C15orf40: variants seen among roughly 807,000 people sequenced by gnomAD.
The protein encoded by C15orf40 is chromosome 15 open reading frame 40.
C15orf40 carries 9 observed loss-of-function variants against 13.9 expected under a neutral mutation model. The observed-to-expected ratio is 0.65, with a 90% CI of 0.39 to 1.13. The LOEUF (loss-of-function observed/expected upper bound fraction) is 1.13, where lower values mean the gene tolerates loss of function less well. Among genes scored for constraint, C15orf40 ranks in the 50% most tolerant of loss-of-function variants. The pLI is 0.01. For missense variants in C15orf40, 225 were observed against 188.5 expected (o/e 1.19, Z -1.13); for synonymous variants, 95 against 69.2 (o/e 1.37, Z -1.85).
rs398119025 is a variant in C15orf40, at chr15:82,997,229, T to TA, written c.*8367dup. ...TTATTTATTTATTTTTATTTTTTTT[T>TA]AATTTATTTTTTTATTGATAATTCT... On this transcript the variant is annotated 3_prime_UTR_variant, in exon 4 of 4. Coordinates refer to ENST00000304177, the MANE Select transcript of C15orf40 (RefSeq NM_144597.3). 4 of 147,788 alleles carry TA rather than the reference T, an allele frequency of 2.7e-5. No individual in the cohort carries two copies. The highest frequency in any genetic ancestry group is 6.8e-5 in the Admixed American group (1 of 14,772). The allele number at this position is 147,788 out of a possible 1,614,324, so 9.2% of individuals were successfully genotyped here.
rs908171049 is a variant in C15orf40, at chr15:83,001,011, C to T, written c.*4586G>A. ...TATTTGTAGTAGAAACAGGGTTTCG[C>T]CATATTGGTCAGGCTGGTCTTAAAC... On this transcript the variant is annotated 3_prime_UTR_variant, in exon 4 of 4. Coordinates refer to ENST00000304177, the MANE Select transcript of C15orf40 (RefSeq NM_144597.3). The T allele has an allele frequency of 5.5e-6, 3 of 544,090 alleles. No homozygotes were observed. Among genetic ancestry groups the T allele is most frequent in the Admixed American group, 6.4e-5 (1 of 15,724 alleles). The allele number at this position is 544,090 out of a possible 1,614,324, so 33.7% of individuals were successfully genotyped here.
rs964503631 is a variant in C15orf40, at chr15:82,997,657, C to T, written c.*7940G>A. The T allele has an allele frequency of 1.8e-4, 43 of 245,086 alleles. No homozygotes were observed. Among genetic ancestry groups the T allele is most frequent in the East Asian group, 4.7e-4 (3 of 6,376 alleles). The allele number at this position is 245,086 out of a possible 1,614,324, so 15.2% of individuals were successfully genotyped here. On this transcript the variant is annotated 3_prime_UTR_variant, in exon 4 of 4. Coordinates refer to ENST00000304177, the MANE Select transcript of C15orf40 (RefSeq NM_144597.3). ...CTCTCAATCTTTTCCCCACCTTTCC[C>T]GCCTTTCTATTCCACAAAGCCGCCA...
At chr15:83,008,707 A>C in intron 2 of C15orf40, 32 bp from the exon 3 acceptor site, 8 of 1,548,660 alleles carry the variant, frequency 5.2e-6, no homozygotes, top group Non-Finnish European at 7.0e-6. Flanking sequence ...CTTTATCCTT[A>C]AGGAGTTCTT....
In C15orf40 at chr15:82,999,990, CCA is replaced by C. The variant is rs1226678693; in HGVS notation, c.*5605_*5606del. 6.6e-6 allele frequency: 1 copy of C among 152,200 alleles called. No homozygotes were observed. Among genetic ancestry groups the C allele is most frequent in the African/African-American group, 2.4e-5 (1 of 41,436 alleles). The allele number at this position is 152,200 out of a possible 1,614,324, so 9.4% of individuals were successfully genotyped here. The stretch of plus-strand genomic sequence containing the variant: ...CCTGTACTATGAAGGATCATTATCT[CCA>C]GTGTTGTCCCAAAAGACCTTCTGTG... On this transcript the variant is annotated 3_prime_UTR_variant, in exon 4 of 4. Coordinates refer to ENST00000304177, the MANE Select transcript of C15orf40 (RefSeq NM_144597.3).
Position 83,001,593 on chromosome 15 carries a change from G to A in C15orf40, c.*4004C>T, listed in dbSNP as rs1268063724. 5 of 152,282 alleles carry A rather than the reference G, an allele frequency of 3.3e-5. No individual in the cohort carries two copies. Among genetic ancestry groups the A allele is most frequent in the African/African-American group, 1.2e-4 (5 of 41,466 alleles). 9.4% of individuals were successfully genotyped at this position (152,282 alleles called of 1,614,324 possible). A position where few individuals can be genotyped will look rare whatever the true frequency, so the allele number is the denominator to read the frequency against. ...GAGCAAAGCTAGAACCATGTCATTA[G>A]ACAAATGTTACGGAGGCTGAATATT... On this transcript the variant is annotated 3_prime_UTR_variant, in exon 4 of 4. Transcript: ENST00000304177.
At chr15:82,991,820 T>A (rs1419006724), downstream of C15orf40, 2 of 1,170,048 alleles carry the variant, frequency 1.7e-6, no homozygotes, top group African/African-American at 3.2e-5. Flanking sequence ...AAGAAGCCAG[T>A]GCTGTTATAT....
At chr15:82,990,741 A>G (rs2030823591), downstream of C15orf40, 1 of 1,164,940 alleles carries the variant, frequency 8.6e-7, no homozygotes, top group Non-Finnish European at 1.2e-6. Flanking sequence ...TTATACAAAC[A>G]CTAAAGCTTT....
chr15:83,011,322 G>C, intron 1 of C15orf40, 175 bp downstream of exon 1: 1 of 642,786 alleles, frequency 1.6e-6, no homozygotes, highest in Non-Finnish European at 2.4e-6. Context: ...CTGAGGCGGG[G>C]CGACGGCAGC....
chr15:82,989,217 A>G (rs1567084631), downstream of C15orf40: 1 of 1,607,080 alleles, frequency 6.2e-7, no homozygotes, highest in Non-Finnish European at 8.5e-7. Flanking sequence ...AAATGCAGAT[A>G]GTTGATCTGG....
At chr15:82,991,919 T>C, downstream of C15orf40, 2 of 1,288,896 alleles carry the variant, frequency 1.6e-6, no homozygotes, top group South Asian at 2.5e-5. Flanking sequence ...AGAAGTGTTA[T>C]CAAAAATATC....
chr15:83,011,135 G>T, intron 1 of C15orf40: 1 of 209,806 alleles, frequency 4.8e-6, no homozygotes. Flanking sequence ...AAGCAAGGGA[G>T]GAGAAAGCAG....
chr15:82,988,990 AT>A (rs770937869), downstream of C15orf40: 54 of 1,557,922 alleles, frequency 3.5e-5, 1 homozygote, highest in Admixed American at 1.1e-3. Context: ...TTTAATGGAA[AT>A]GTCTTTAAAA....
Position 82,997,147 on chromosome 15 carries a change from T to C in C15orf40, c.*8450A>G, listed in dbSNP as rs945136258. 1.3e-5 allele frequency: 2 copies of C among 150,622 alleles called. No homozygotes were observed. The highest frequency in any genetic ancestry group is 3.0e-5 in the Non-Finnish European group (2 of 67,714). 9.3% of individuals were successfully genotyped at this position (150,622 alleles called of 1,614,324 possible). A position where few individuals can be genotyped will look rare whatever the true frequency, so the allele number is the denominator to read the frequency against. On this transcript the variant is annotated 3_prime_UTR_variant, in exon 4 of 4. Transcript: ENST00000304177. ...ATTTCATACCGTTTTCAGCCTCTTC[T>C]CTGTTGCACTGTTTCCAACATGGTC... is the stretch of plus-strand genomic sequence containing the variant.
intron 3 of C15orf40, among the ~76,000 whole-genome samples, chr15:83,006,732 C>G (rs1012439972): frequency 1.3e-5 from 2 of 152,198 alleles, no homozygotes; most frequent in Non-Finnish European, 2.9e-5. Flanking sequence ...CGCCATCGCA[C>G]CCTAGCCTGG....
chr15:83,010,547 A>G, intron 1 of C15orf40, 184 bp from the exon 2 acceptor site: 1 of 616,764 alleles, frequency 1.6e-6, no homozygotes, highest in Non-Finnish European at 2.8e-6. Context: ...TTTTCCCACG[A>G]AGGGTTCCCA....
At chr15:82,994,153 T>C (rs2030963207), downstream of C15orf40, among the ~76,000 whole-genome samples, 1 of 152,188 alleles carries the variant, frequency 6.6e-6, no homozygotes. Flanking sequence ...TAATTATCCC[T>C]TGTATTTTAT....
chr15:82,989,160 G>C (rs763072846), downstream of C15orf40: 1 of 1,612,992 alleles, frequency 6.2e-7, no homozygotes, highest in Non-Finnish European at 8.5e-7. Flanking sequence ...TAGCAGAGCT[G>C]GTGGGAACCA....
rs1266257024 is a variant in C15orf40 at position 83,000,416 on chromosome 15, A to C, written c.*5181T>G. ...ACTCTCACGAACCCAGCTGGCCCCA[A>C]GTTAACAACACTCCGACCTGAGCTA... On this transcript the variant is annotated 3_prime_UTR_variant, in exon 4 of 4. Coordinates refer to ENST00000304177, the MANE Select transcript of C15orf40 (RefSeq NM_144597.3). 1 of 152,302 alleles carries C rather than the reference A, an allele frequency of 6.6e-6. No individual in the cohort carries two copies. The highest frequency in any genetic ancestry group is 1.5e-5 in the Non-Finnish European group (1 of 68,054). The allele number at this position is 152,302 out of a possible 1,614,324, so 9.4% of individuals were successfully genotyped here. A position where few individuals can be genotyped will look rare whatever the true frequency, so the allele number is the denominator to read the frequency against.
chr15:82,996,024 C>A lies in C15orf40; in HGVS notation c.*9573G>T, dbSNP rs1258219008. The A allele has an allele frequency of 6.6e-6, 1 of 152,182 alleles. No homozygotes were observed. Among genetic ancestry groups the A allele is most frequent in the Non-Finnish European group, 1.5e-5 (1 of 68,060 alleles). 9.4% of individuals were successfully genotyped at this position (152,182 alleles called of 1,614,324 possible). On this transcript the variant is annotated 3_prime_UTR_variant, in exon 4 of 4. Transcript: ENST00000304177. Reference sequence around the variant, plus strand: ...GATTTCAGTTGTTTTCACTCCTCTCCCTAAAGGGCACAGACAGCCCCATGT... The same window carrying A: ...GATTTCAGTTGTTTTCACTCCTCTCACTAAAGGGCACAGACAGCCCCATGT...
Sources: gnomAD v4.1 joint callset for allele counts (sites outside exome capture counted in the v4.1 genomes callset) on GRCh38, gnomAD v4.1.1 for gene constraint, MANE v1.5 for transcripts, NCBI Gene and HGNC (gene_info 2026-07-23, HGNC 2026-07-21) for gene names.